Variants in CCDC124 observed in about 807,000 individuals in gnomAD.
CCDC124 encodes the protein coiled-coil domain-containing protein 124.
A neutral mutation model predicts 19.8 loss-of-function variants in CCDC124; 9 were observed. That is an observed-to-expected ratio of 0.45 (90% CI 0.27 to 0.79). CCDC124 has a LOEUF of 0.79. Among genes scored for constraint, CCDC124 ranks in the 30% least tolerant of loss-of-function variants. The probability of loss-of-function intolerance (pLI) is 0.14; values close to 1 mark genes in which losing one functional copy is unlikely to be tolerated. For missense variants in CCDC124, 285 were observed against 319.0 expected (o/e 0.89, Z 0.81); for synonymous variants, 126 against 131.3 (o/e 0.96, Z 0.27).
At chr19:17,937,642 G>A (rs2031094002) in intron 2 of CCDC124, among the ~76,000 whole-genome samples, 1 of 152,136 alleles carries the variant, frequency 6.6e-6, no homozygotes, top group Non-Finnish European at 1.5e-5. Flanking sequence ...AGCCCCAGAT[G>A]TCAGCAGTGC....
In CCDC124 at chr19:17,936,682, T is replaced by A. The variant is rs2031073375; in HGVS notation, c.159+103T>A. The A allele has an allele frequency of 4.2e-6, 6 of 1,418,010 alleles. No individual in the cohort carries two copies. In the South Asian group the frequency reaches 8.3e-5, roughly 20 times the overall value. 87.8% of individuals were successfully genotyped at this position (1,418,010 alleles called of 1,614,324 possible). A position where few individuals can be genotyped will look rare whatever the true frequency, so the allele number is the denominator to read the frequency against. On this transcript the variant is annotated intron_variant, in intron 2 of 4. Transcript: ENST00000445755. ...AGCGAGAGGGCCCTCTGAGCTTTGGTCTGAAAGGCCAGGAGGGACCAGGCG... is the reference window on the plus strand; with the variant it reads ...AGCGAGAGGGCCCTCTGAGCTTTGGACTGAAAGGCCAGGAGGGACCAGGCG...
In CCDC124 at chr19:17,942,864, C is replaced by T. The variant is rs143035747; in HGVS notation, c.349+19C>T. The T allele has an allele frequency of 6.1e-5, 91 of 1,482,780 alleles. 1 individual carries two copies. The East Asian group carries it at 2.1e-3, about 34-fold the overall frequency. 91.9% of individuals were successfully genotyped at this position (1,482,780 alleles called of 1,614,324 possible). A position where few individuals can be genotyped will look rare whatever the true frequency, so the allele number is the denominator to read the frequency against. ...GACACAGGTCGGGCGGCATCCCGCT[C>T]TGGAGCTGCACTTTTGCCCACTGCA... On this transcript the variant is annotated intron_variant, in intron 3 of 4. Coordinates refer to ENST00000445755, the MANE Select transcript of CCDC124 (RefSeq NM_001136203.2). This position sits in a 1 kb window ranked among gnomAD's most constrained non-coding sequence, Gnocchi z 4.2.
chr19:17,942,807 T>G lies in CCDC124; in HGVS notation c.311T>G (p.Leu104Arg). The change falls in exon 3 of 5, where the codon CTG becomes CGG. Residue 104 changes from leucine (L) to arginine (R), a missense_variant. Physicochemically the swap from Leu to Arg is moderately radical, Grantham distance 102. Transcript: ENST00000445755. This position sits in a 1 kb window ranked among gnomAD's most constrained non-coding sequence, Gnocchi z 4.2. ...ACCCGGGCCCAGATCGAGGACACGCTGCGCCGAGACCATCAGCTCAGGGAG... is the reference window on the plus strand; with the variant it reads ...ACCCGGGCCCAGATCGAGGACACGCGGCGCCGAGACCATCAGCTCAGGGAG... ...KVTRAQIEDT[L>R]RRDHQLREAP... 5 of 1,538,606 alleles carry G rather than the reference T, an allele frequency of 3.2e-6. No homozygotes were observed. The highest frequency in any genetic ancestry group is 3.5e-6 in the Non-Finnish European group (4 of 1,142,506).
rs1264012506 is a variant in CCDC124 at position 17,942,369 on chromosome 19, C to T, written c.160-287C>T. On this transcript the variant is annotated intron_variant, in intron 2 of 4. Transcript: ENST00000445755. The surrounding 1 kb of genome is among the most constrained non-coding windows in gnomAD (Gnocchi z 4.2). ...CGGCGCCTTTGCACTGGTAGCCCTG[C>T]TGCTAAGGACGCTCCTGTTCCCCAG... Among the ~76,000 whole-genome samples the T allele has an allele frequency of 1.3e-5, 2 of 152,182 alleles. No individual in the cohort carries two copies. Among genetic ancestry groups the T allele is most frequent in the African/African-American group, 4.8e-5 (2 of 41,444 alleles).
chr19:17,943,428 C>T lies in CCDC124; in HGVS notation c.464+53C>T, dbSNP rs1599971603. 3.1e-5 allele frequency: 10 copies of T among 325,696 alleles called. No homozygotes were observed. In the East Asian group the frequency reaches 7.6e-4, roughly 25 times the overall value. The allele number at this position is 325,696 out of a possible 1,614,324, so 20.2% of individuals were successfully genotyped here. Reference sequence around the variant, plus strand: ...CAGGGGTGGAGCTGGTCATCGGGGGCGGGGCTACCTGGGGGCGGGGCCGGG... The same window carrying T: ...CAGGGGTGGAGCTGGTCATCGGGGGTGGGGCTACCTGGGGGCGGGGCCGGG... On this transcript the variant is annotated intron_variant, in intron 4 of 4. Transcript: ENST00000445755.
intron 1 of CCDC124, among the ~76,000 whole-genome samples, chr19:17,934,619 TAAAAAA>T (rs56743845): frequency 8.1e-6 from 1 of 123,896 alleles, no homozygotes; most frequent in African/African-American, 3.1e-5. Flanking sequence ...GACCCTGCCT[TAAAAAA>T]AAAAAAAAAA....
rs1037239040 is a variant in CCDC124 at position 17,942,614 on chromosome 19, G to T, written c.160-42G>T. 1.8e-5 allele frequency: 28 copies of T among 1,545,928 alleles called. No individual in the cohort carries two copies. Among genetic ancestry groups the T allele is most frequent in the African/African-American group, 6.8e-5 (5 of 73,012 alleles). The stretch of plus-strand genomic sequence containing the variant: ...ACCCCAGGCTAGTGGGTGGCGCGGG[G>T]GTGTGGGGTCTTCTGCCTGACCATG... On this transcript the variant is annotated intron_variant, in intron 2 of 4. Coordinates refer to ENST00000445755, the MANE Select transcript of CCDC124 (RefSeq NM_001136203.2). The surrounding 1 kb of genome is among the most constrained non-coding windows in gnomAD (Gnocchi z 4.2).
chr19:17,942,704 A>G lies in CCDC124; in HGVS notation c.208A>G (p.Thr70Ala). The G allele has an allele frequency of 6.4e-7, 1 of 1,554,964 alleles. No individual in the cohort carries two copies. The highest frequency in any genetic ancestry group is 1.2e-5 in the South Asian group (1 of 84,418). The change falls in exon 3 of 5, where the codon ACG becomes GCG. Residue 70 changes from threonine to alanine, a missense_variant. Thr to Ala is a moderately conservative substitution (Grantham distance 58, BLOSUM62 0). Transcript: ENST00000445755. The surrounding 1 kb of genome is among the most constrained non-coding windows in gnomAD (Gnocchi z 4.2). ...RLDQLERKKETQRLLEEEDSK... is the reference protein window; with the variant it reads ...RLDQLERKKEAQRLLEEEDSK... ...CGACCAGCTGGAACGTAAGAAGGAGACGCAGCGCCTACTGGAGGAGGAGGA... is the reference window on the plus strand; with the variant it reads ...CGACCAGCTGGAACGTAAGAAGGAGGCGCAGCGCCTACTGGAGGAGGAGGA...
intron 2 of CCDC124, among the ~76,000 whole-genome samples, chr19:17,941,649 C>T (rs1333306178): frequency 6.6e-6 from 1 of 152,158 alleles, no homozygotes; most frequent in Non-Finnish European, 1.5e-5. Flanking sequence ...AGTTTGTGCA[C>T]TCCAACAGCC....
intron 1 of CCDC124, among the ~76,000 whole-genome samples, chr19:17,934,638 C>T (rs1309557662): frequency 8.0e-6 from 1 of 124,762 alleles, no homozygotes; most frequent in African/African-American, 3.0e-5. Context: ...AAAAAAAAAG[C>T]TAGGCATGGT....
chr19:17,941,356 C>G (rs1047141257), intron 2 of CCDC124, among the ~76,000 whole-genome samples: 1 of 151,910 alleles, frequency 6.6e-6, no homozygotes, highest in African/African-American at 2.4e-5. Flanking sequence ...ACTAAAATTA[C>G]AAAAGATTAG....
chr19:17,938,380 T>C (rs765836808), intron 2 of CCDC124, among the ~76,000 whole-genome samples: 10 of 152,260 alleles, frequency 6.6e-5, no homozygotes, highest in East Asian at 3.9e-4. Flanking sequence ...CCATGCTTCA[T>C]TGGTGTCTGG....
chr19:17,940,533 A>C (rs1456121344), intron 2 of CCDC124, among the ~76,000 whole-genome samples: 2 of 151,524 alleles, frequency 1.3e-5, no homozygotes, highest in South Asian at 2.1e-4. Flanking sequence ...TTGGGAGGTC[A>C]AGGCAGGTGG....
chr19:17,936,392 C>T lies in CCDC124; in HGVS notation c.-11-18C>T, dbSNP rs202120015. On this transcript the variant is annotated intron_variant, in intron 1 of 4. Transcript: ENST00000445755. ...CCCCTCCGGCCCCTGCTCCCCCATC[C>T]CCATCCTCTTCCCGCAGCCTGCTGA... 9.6e-5 allele frequency: 153 copies of T among 1,597,340 alleles called. No individual in the cohort carries two copies. The African/African-American group carries it at 1.8e-3, about 19-fold the overall frequency.
Position 17,943,241 on chromosome 19 carries a change from T to TCGGGGGGGGCCCCCCCCCC in CCDC124, c.350-19_350-18insGGGGGGGGCCCCCCCCCCC. On this transcript the variant is annotated intron_variant, in intron 3 of 4. Coordinates refer to ENST00000445755, the MANE Select transcript of CCDC124 (RefSeq NM_001136203.2). Reference sequence around the variant, plus strand: ...CTTTGCTTATCTCTCTCTGTCTCTGTCACCCACCCACCCGCCCAGCCGAGA... The same window carrying TCGGGGGGGGCCCCCCCCCC: ...CTTTGCTTATCTCTCTCTGTCTCTGTCGGGGGGGGCCCCCCCCCCCACCCACCCACCCGCCCAGCCGAGA... 2.7e-6 allele frequency: 2 copies of TCGGGGGGGGCCCCCCCCCC among 736,678 alleles called. No individual in the cohort carries two copies. The highest frequency in any genetic ancestry group is 1.8e-5 in the African/African-American group (1 of 57,132). The allele number at this position is 736,678 out of a possible 1,614,324, so 45.6% of individuals were successfully genotyped here.
intron 2 of CCDC124, among the ~76,000 whole-genome samples, chr19:17,938,331 C>T (rs772864645): frequency 6.6e-6 from 1 of 152,160 alleles, no homozygotes; most frequent in Non-Finnish European, 1.5e-5. Flanking sequence ...CAGAATGAGA[C>T]TGTGACTCAA....
chr19:17,943,369 T>G lies in CCDC124; in HGVS notation c.458T>G (p.Val153Gly). Residue 153 changes from valine to glycine, a missense_variant, in exon 4 of 5, where the codon GTG becomes GGG. By Grantham distance (109) the Val-to-Gly change is moderately radical. Coordinates refer to ENST00000445755, the MANE Select transcript of CCDC124 (RefSeq NM_001136203.2). ...EARTIEDAIA[V>G]LSVAEEAADR... ...CGCACCATCGAGGACGCCATTGCAG[T>G]GCTCAGGTAACGGGGCGGGGCCTGG... 3 of 1,567,980 alleles carry G rather than the reference T, an allele frequency of 1.9e-6. No individual in the cohort carries two copies. The highest frequency in any genetic ancestry group is 2.6e-6 in the Non-Finnish European group (3 of 1,161,576).
At chr19:17,934,904 C>T (rs934118654) in intron 1 of CCDC124, among the ~76,000 whole-genome samples, 1 of 32,426 alleles carries the variant, frequency 3.1e-5, no homozygotes, top group African/African-American at 2.4e-4. Context: ...TGCCTTGTTT[C>T]CTTGTTTCCT....
Position 17,942,398 on chromosome 19 carries a change from T to TC in CCDC124, c.160-253dup. ...TAAGGACGCTCCTGTTCCCCAGCTC[T>TC]CCCCCTTGGCCGGCGCTCTTCGCAC... On this transcript the variant is annotated intron_variant, in intron 2 of 4. Transcript: ENST00000445755. The surrounding 1 kb of genome is among the most constrained non-coding windows in gnomAD (Gnocchi z 4.2). Among the ~76,000 whole-genome samples the TC allele has an allele frequency of 6.6e-6, 1 of 152,172 alleles. No individual in the cohort carries two copies. The highest frequency in any genetic ancestry group is 2.1e-4 in the South Asian group (1 of 4,828).
Sources: allele counts gnomAD v4.1 joint callset (sites outside exome capture counted in the v4.1 genomes callset), GRCh38; gene constraint gnomAD v4.1.1; non-coding constraint Gnocchi (gnomAD v3.1); transcripts MANE v1.5; gene names NCBI Gene and HGNC (gene_info 2026-07-23, HGNC 2026-07-21).